The following UNC5D variants were observed in gnomAD, a reference collection of about 807,000 sequenced individuals.
The protein encoded by UNC5D is netrin receptor UNC5D.
UNC5D carries 39 observed loss-of-function variants against 105.4 expected under a neutral mutation model. That is an observed-to-expected ratio of 0.37 (90% CI 0.29 to 0.48). The LOEUF is 0.48. UNC5D is among the 20% of genes least tolerant of loss of function. The pLI is 0.98. For synonymous variants in UNC5D, 452 were observed against 450.4 expected, an observed-to-expected ratio of 1.00 and a Z score of -0.04; for missense variants, 991 against 1,202.4, an observed-to-expected ratio of 0.82 and a Z score of 2.60.
intron 1 of UNC5D, among the ~76,000 whole-genome samples, chr8:35,352,129 TAAG>T (rs545472763): frequency 1.4e-3 from 218 of 152,190 alleles, no homozygotes; most frequent in Non-Finnish European, 7.6e-4. Context: ...CATTAAGAGA[TAAG>T]AAAAATATAT....
chr8:35,772,601 C>T (rs1802057548), intron 15 of UNC5D, among the ~76,000 whole-genome samples: 1 of 152,162 alleles, frequency 6.6e-6, no homozygotes, highest in African/African-American at 2.4e-5. Context: ...CAAAGGACAG[C>T]TTCTTGGAGT....
chr8:35,515,651 C>T (rs548645365), intron 1 of UNC5D, among the ~76,000 whole-genome samples: 1 of 152,336 alleles, frequency 6.6e-6, no homozygotes, highest in East Asian at 1.9e-4. Context: ...TGCCACTGCA[C>T]TGCAGCCTGG....
At chr8:35,560,432 CAT>C (rs1816876259) in intron 2 of UNC5D, among the ~76,000 whole-genome samples, 1 of 152,164 alleles carries the variant, frequency 6.6e-6, no homozygotes, top group Non-Finnish European at 1.5e-5. Flanking sequence ...TGTATACACT[CAT>C]GTACTATTAC....
intron 1 of UNC5D, among the ~76,000 whole-genome samples, chr8:35,474,215 C>T (rs191907989): frequency 6.6e-6 from 1 of 152,182 alleles, no homozygotes; most frequent in Admixed American, 6.6e-5. Flanking sequence ...TTGTAATTTT[C>T]CCCTTTATAT....
intron 1 of UNC5D, among the ~76,000 whole-genome samples, chr8:35,257,610 A>G (rs1432632415): frequency 6.6e-6 from 1 of 152,214 alleles, no homozygotes; most frequent in East Asian, 1.9e-4. Flanking sequence ...TTGATATACA[A>G]ACGAATAATA....
intron 1 of UNC5D, among the ~76,000 whole-genome samples, chr8:35,381,513 T>A (rs1803040683): frequency 6.6e-6 from 1 of 152,202 alleles, no homozygotes. Flanking sequence ...TGCAGCAGAA[T>A]CTTCTGCAGA....
chr8:35,753,978 G>A (rs1830402272), intron 13 of UNC5D, among the ~76,000 whole-genome samples: 1 of 152,210 alleles, frequency 6.6e-6, no homozygotes, highest in African/African-American at 2.4e-5. Flanking sequence ...GCCTTCTGCA[G>A]AGATTTATTT....
chr8:35,726,838 CATG>C, intron 10 of UNC5D: 1 of 331,564 alleles, frequency 3.0e-6, no homozygotes, highest in Non-Finnish European at 5.5e-6. Context: ...ATTTCCTAGG[CATG>C]ATAAGAAAGC....
intron 1 of UNC5D, among the ~76,000 whole-genome samples, chr8:35,366,180 A>T (rs1288150575): frequency 6.6e-6 from 1 of 150,998 alleles, no homozygotes; most frequent in Non-Finnish European, 1.5e-5. Flanking sequence ...AACTAATTGC[A>T]TTTTTTTTTC....
At position 35,511,742 on chromosome 8, in the gene UNC5D, T is replaced by A. The variant is rs73674012; in HGVS notation, c.104-37550T>A. Among the ~76,000 whole-genome samples the A allele has an allele frequency of 1.1e-4, 15 of 133,276 alleles. No homozygotes were observed. The East Asian group carries it at 1.7e-3, about 15-fold the overall frequency. The allele number at this position is 133,276 out of a possible 152,430, so 87.4% of individuals were successfully genotyped here. ...ATAGCTGATGAGCTAAAAAAAAAAT[T>A]AAAAAAAAAAACCCTCAAAGTTTTA... On this transcript the variant is annotated intron_variant, in intron 1 of 16. Transcript: ENST00000404895.
chr8:35,326,401 C>T (rs967994425), intron 1 of UNC5D, among the ~76,000 whole-genome samples: 3 of 152,142 alleles, frequency 2.0e-5, no homozygotes, highest in Non-Finnish European at 4.4e-5. Context: ...GGGGAAGGCC[C>T]AGCTGGCAGT....
intron 1 of UNC5D, among the ~76,000 whole-genome samples, chr8:35,270,748 A>G (rs1805223385): frequency 6.6e-6 from 1 of 152,168 alleles, no homozygotes; most frequent in South Asian, 2.1e-4. Context: ...GGCTTTGTAC[A>G]AGTGTCTAGC....
intron 1 of UNC5D, among the ~76,000 whole-genome samples, chr8:35,419,212 T>A (rs1448085520): frequency 6.6e-6 from 1 of 152,196 alleles, no homozygotes; most frequent in African/African-American, 2.4e-5. Context: ...CTTTTGAATC[T>A]TTGTGACCAG....
chr8:35,257,768 A>C (rs1249554946), intron 1 of UNC5D, among the ~76,000 whole-genome samples: 1 of 152,166 alleles, frequency 6.6e-6, no homozygotes, highest in Non-Finnish European at 1.5e-5. Flanking sequence ...CGTATTTAAC[A>C]CACCCATGCA....
chr8:35,481,600 T>G (rs747040727), intron 1 of UNC5D, among the ~76,000 whole-genome samples: 24 of 152,214 alleles, frequency 1.6e-4, no homozygotes, highest in Non-Finnish European at 2.9e-4. Flanking sequence ...CTGTTACATC[T>G]TTGTCAACCT....
intron 1 of UNC5D, among the ~76,000 whole-genome samples, chr8:35,341,702 TTAA>T (rs1452901456): frequency 6.6e-6 from 1 of 152,126 alleles, no homozygotes; most frequent in Admixed American, 6.6e-5. Context: ...GCAAAACATC[TTAA>T]TAACAAGTGA....
In UNC5D at chr8:35,235,808, AGGC is replaced by A; in HGVS notation, c.33_35del (p.Gly13del). ...GCATGGGGAGAGCGGCGGCCACCGC[AGGC>A]GGCGGCGGAGGGGCGCGCCGCTGGC... On this transcript the variant is annotated inframe_deletion, in exon 1 of 17. Coordinates refer to ENST00000404895, the MANE Select transcript of UNC5D (RefSeq NM_080872.4). 2 of 1,229,676 alleles carry A rather than the reference AGGC, an allele frequency of 1.6e-6. No homozygotes were observed. Among genetic ancestry groups the A allele is most frequent in the Non-Finnish European group, 1.0e-6 (1 of 986,244 alleles). 76.2% of individuals were successfully genotyped at this position (1,229,676 alleles called of 1,614,324 possible).
At chr8:35,495,458 C>CAAAAAAAAAAAAAAAAAAAAAAAA (rs71547636) in intron 1 of UNC5D, among the ~76,000 whole-genome samples, 3 of 44,624 alleles carry the variant, frequency 6.7e-5, no homozygotes, top group Non-Finnish European at 1.1e-4. Flanking sequence ...ACAACAACAA[C>CAAAAAAAAAAAAAAAAAAAAAAAA]AAAAAAAAAA....
intron 1 of UNC5D, among the ~76,000 whole-genome samples, chr8:35,333,925 T>C (rs1810827634): frequency 6.6e-6 from 1 of 152,176 alleles, no homozygotes; most frequent in Non-Finnish European, 1.5e-5. Context: ...TTTTAGAAAC[T>C]TTGGGAGAGC....
Sources: allele counts gnomAD v4.1 joint callset (sites outside exome capture counted in the v4.1 genomes callset), GRCh38; gene constraint gnomAD v4.1.1; transcripts MANE v1.5; gene names NCBI Gene and HGNC (gene_info 2026-07-23, HGNC 2026-07-21).